Variants in PTPRK observed in about 807,000 individuals in gnomAD.
PTPRK encodes the protein protein tyrosine phosphatase receptor type K.
Under a neutral mutation model 178.0 loss-of-function variants are expected in PTPRK, and 75 were observed. The ratio of observed to expected loss-of-function variants is 0.42; its 90% CI spans 0.35 to 0.51. The LOEUF (loss-of-function observed/expected upper bound fraction) is 0.51, where lower values mean the gene tolerates loss of function less well. Ranked by LOEUF, PTPRK falls within the 20% of genes least tolerant of loss-of-function variation. The pLI is 0.02. For synonymous variants in PTPRK, 637 were observed against 620.6 expected, an observed-to-expected ratio of 1.03 and a Z score of -0.39; for missense variants, 1,441 against 1,797.8, an observed-to-expected ratio of 0.80 and a Z score of 3.59.
chr6:128,142,585 A>G (rs1795933510), intron 7 of PTPRK, among the ~76,000 whole-genome samples: 1 of 151,796 alleles, frequency 6.6e-6, no homozygotes, highest in South Asian at 2.1e-4. Flanking sequence ...TGTGGTTTTC[A>G]CAGACATGTC....
intron 1 of PTPRK, among the ~76,000 whole-genome samples, chr6:128,464,654 T>TATATATATACACAC (rs1849593021): frequency 9.0e-6 from 1 of 111,318 alleles, no homozygotes; most frequent in African/African-American, 3.5e-5. Context: ...TATATATATA[T>TATATATATACACAC]ATATATATAT....
At position 128,519,221 on chromosome 6, in the gene PTPRK, C is replaced by T. The variant is rs1858588807; in HGVS notation, c.100+1038G>A. On this transcript the variant is annotated intron_variant, in intron 1 of 29. Transcript: ENST00000368226. This position sits in a 1 kb window ranked among gnomAD's most constrained non-coding sequence, Gnocchi z 4.3. ...CGGGAGCCCGCTCCCCAGCGTCCAC[C>T]TGGTGAAACTTCAGAGCCCCCAGAG... 2.3e-6 allele frequency: 1 copy of T among 436,708 alleles called. No homozygotes were observed. Among genetic ancestry groups the T allele is most frequent in the South Asian group, 1.6e-5 (1 of 61,176 alleles). The allele number at this position is 436,708 out of a possible 1,614,324, so 27.1% of individuals were successfully genotyped here.
At chr6:128,078,079 T>A (rs1450114481) in intron 11 of PTPRK, among the ~76,000 whole-genome samples, 1 of 151,946 alleles carries the variant, frequency 6.6e-6, no homozygotes, top group African/African-American at 2.4e-5. Flanking sequence ...TATTTTCTCA[T>A]CCTATTTCTG....
chr6:128,111,634 A>G (rs1790686526), intron 7 of PTPRK, among the ~76,000 whole-genome samples: 1 of 151,996 alleles, frequency 6.6e-6, no homozygotes, highest in Non-Finnish European at 1.5e-5. Context: ...ATAGGAACAC[A>G]CCTCCCTCCA....
intron 3 of PTPRK, among the ~76,000 whole-genome samples, chr6:128,277,371 A>T (rs1820885031): frequency 6.6e-6 from 1 of 152,208 alleles, no homozygotes; most frequent in African/African-American, 2.4e-5. Flanking sequence ...TTGAGATAAA[A>T]TACGAAACTG....
intron 2 of PTPRK, among the ~76,000 whole-genome samples, chr6:128,351,714 T>G (rs1445303971): frequency 6.6e-6 from 1 of 152,176 alleles, no homozygotes; most frequent in Non-Finnish European, 1.5e-5. Context: ...GAAACTTACA[T>G]GAAACAAATA....
chr6:128,366,062 A>G (rs570337361), intron 2 of PTPRK, among the ~76,000 whole-genome samples: 1 of 152,262 alleles, frequency 6.6e-6, no homozygotes, highest in East Asian at 1.9e-4. Context: ...GCCTTTCCAT[A>G]GAATATTCCT....
intron 2 of PTPRK, among the ~76,000 whole-genome samples, chr6:128,324,666 A>G (rs1292361667): frequency 6.6e-6 from 1 of 152,142 alleles, no homozygotes; most frequent in African/African-American, 2.4e-5. Flanking sequence ...CTACTGCCAC[A>G]TTCTCCGAGT....
intron 7 of PTPRK, among the ~76,000 whole-genome samples, chr6:128,152,460 C>A (rs1361061482): frequency 6.6e-6 from 1 of 151,208 alleles, no homozygotes; most frequent in Non-Finnish European, 1.5e-5. Flanking sequence ...AGTGAGTACA[C>A]TGGTGAAATA....
chr6:128,463,677 T>C (rs1299341881), intron 1 of PTPRK, among the ~76,000 whole-genome samples: 5 of 152,004 alleles, frequency 3.3e-5, no homozygotes, highest in Admixed American at 3.3e-4. Context: ...TGAAGTATTT[T>C]ATTCAAATTT....
chr6:128,046,533 T>TA (rs1401930165), intron 13 of PTPRK, among the ~76,000 whole-genome samples: 2 of 151,928 alleles, frequency 1.3e-5, no homozygotes, highest in East Asian at 1.9e-4. Context: ...TCCATCCCTT[T>TA]AAAAAAAAGT....
At chr6:128,445,674 T>A (rs1353494596) in intron 1 of PTPRK, among the ~76,000 whole-genome samples, 1 of 152,166 alleles carries the variant, frequency 6.6e-6, no homozygotes, top group Non-Finnish European at 1.5e-5. Context: ...ATTTGATTTT[T>A]TTAAATGTTT....
At chr6:128,474,928 C>A (rs1284917661) in intron 1 of PTPRK, among the ~76,000 whole-genome samples, 1 of 152,098 alleles carries the variant, frequency 6.6e-6, no homozygotes, top group Non-Finnish European at 1.5e-5. Flanking sequence ...TAAGTTTATA[C>A]CATAAAATGT....
chr6:128,077,964 G>C (rs765225504), intron 11 of PTPRK, among the ~76,000 whole-genome samples: 12 of 151,900 alleles, frequency 7.9e-5, no homozygotes, highest in Admixed American at 6.6e-4. Context: ...GGTCAAAAAG[G>C]CTTCATGTGT....
At chr6:128,425,578 AAC>A (rs143695358) in intron 1 of PTPRK, among the ~76,000 whole-genome samples, 8,281 of 152,262 alleles carry the variant, frequency 0.054, 268 homozygotes, top group Non-Finnish European at 0.068. Context: ...TTCCTTTCAT[AAC>A]TTTTCTTCTA....
chr6:128,003,395 T>A (rs1249985548), intron 15 of PTPRK, among the ~76,000 whole-genome samples: 3 of 151,962 alleles, frequency 2.0e-5, no homozygotes, highest in African/African-American at 7.2e-5. Context: ...CAGCTTGGGT[T>A]ATATCTAAAC....
chr6:128,119,263 T>C (rs1792064703), intron 7 of PTPRK, among the ~76,000 whole-genome samples: 1 of 151,810 alleles, frequency 6.6e-6, no homozygotes. Context: ...CATGGATGTG[T>C]TTTTTGGTTT....
chr6:128,089,581 T>C, intron 8 of PTPRK, 109 bp downstream of exon 8: 1 of 1,174,354 alleles, frequency 8.5e-7, no homozygotes, highest in Non-Finnish European at 1.2e-6. Context: ...AACATTTAGA[T>C]GATTTCAGAA....
Position 127,968,865 on chromosome 6 carries a change from A to G in PTPRK, c.*1362T>C, listed in dbSNP as rs1002614571. 1 of 152,348 alleles carries G rather than the reference A, an allele frequency of 6.6e-6. No individual in the cohort carries two copies. Among genetic ancestry groups the G allele is most frequent in the East Asian group, 1.9e-4 (1 of 5,194 alleles). The allele number at this position is 152,348 out of a possible 1,614,324, so 9.4% of individuals were successfully genotyped here. On this transcript the variant is annotated 3_prime_UTR_variant, in exon 30 of 30. Coordinates refer to ENST00000368226, the MANE Select transcript of PTPRK (RefSeq NM_002844.4). The stretch of plus-strand genomic sequence containing the variant: ...CATGTCATGAGCTGGCAATCTAGAA[A>G]GAGGACACTGGAATGCTTTAGTCAA...
Sources: allele counts gnomAD v4.1 joint callset (sites outside exome capture counted in the v4.1 genomes callset), GRCh38; gene constraint gnomAD v4.1.1; non-coding constraint Gnocchi (gnomAD v3.1); transcripts MANE v1.5; gene names NCBI Gene and HGNC (gene_info 2026-07-23, HGNC 2026-07-21).